NMNAT2: variants seen among roughly 807,000 people sequenced by gnomAD.
The protein encoded by NMNAT2 is nicotinamide nucleotide adenylyltransferase 2.
A neutral mutation model predicts 41.6 loss-of-function variants in NMNAT2; 11 were observed. The observed-to-expected ratio is 0.26, with a 90% confidence interval of 0.17 to 0.44. NMNAT2 has a LOEUF of 0.44. NMNAT2 is among the 20% of genes least tolerant of loss of function. NMNAT2 has a pLI of 1.00. For synonymous variants in NMNAT2, 148 were observed against 151.2 expected (o/e 0.98, Z 0.16); for missense variants, 288 against 407.7 (o/e 0.71, Z 2.53).
At chr1:183,307,028 G>C (rs990578331) in intron 1 of NMNAT2, among the ~76,000 whole-genome samples, 1 of 152,064 alleles carries the variant, frequency 6.6e-6, no homozygotes, top group Non-Finnish European at 1.5e-5. Flanking sequence ...AAAGTAGAGG[G>C]GGACAAAGAA....
At chr1:183,348,022 C>T (rs945085256) in intron 1 of NMNAT2, among the ~76,000 whole-genome samples, 5 of 152,112 alleles carry the variant, frequency 3.3e-5, no homozygotes, top group African/African-American at 1.2e-4. Context: ...CATACCACTC[C>T]CCCAACCCCT....
chr1:183,302,194 T>C (rs540751678), intron 1 of NMNAT2, among the ~76,000 whole-genome samples: 2 of 152,348 alleles, frequency 1.3e-5, no homozygotes, highest in African/African-American at 4.8e-5. Context: ...TGTTGAAGGC[T>C]CTGTCCCAGT....
Position 183,286,388 on chromosome 1 carries a change from G to A in NMNAT2, c.448+274C>T, listed in dbSNP as rs563310074. 2.0e-5 allele frequency among the ~76,000 whole-genome samples: 3 copies of A among 152,188 alleles called. No individual in the cohort carries two copies. In the East Asian group the frequency reaches 5.8e-4, roughly 29 times the overall value. ...ATTACAGGCGTGAGCCACCAGGCCC[G>A]GCCCTACGTTTATATTTAAATGCAG... On this transcript the variant is annotated intron_variant, in intron 5 of 10. Coordinates refer to ENST00000287713, the MANE Select transcript of NMNAT2 (RefSeq NM_015039.4).
At chr1:183,352,488 G>A (rs368473088) in intron 1 of NMNAT2, among the ~76,000 whole-genome samples, 5 of 149,940 alleles carry the variant, frequency 3.3e-5, no homozygotes, top group African/African-American at 7.4e-5. Context: ...GCTTGAACTC[G>A]GGCATCGGAG....
intron 1 of NMNAT2, among the ~76,000 whole-genome samples, chr1:183,394,345 A>G (rs1466637841): frequency 6.6e-6 from 1 of 152,248 alleles, no homozygotes; most frequent in Non-Finnish European, 1.5e-5. Flanking sequence ...AAGTTGTAAG[A>G]GCACAGATTT....
intron 1 of NMNAT2, among the ~76,000 whole-genome samples, chr1:183,386,267 T>C (rs1226396436): frequency 1.3e-5 from 2 of 152,150 alleles, no homozygotes; most frequent in African/African-American, 4.8e-5. Context: ...AAGCCATATA[T>C]ATCCAAATAT....
chr1:183,256,309 T>C (rs111923356), intron 10 of NMNAT2, among the ~76,000 whole-genome samples: 3,244 of 152,080 alleles, frequency 0.021, 70 homozygotes, highest in Middle Eastern at 0.031. Flanking sequence ...CTTAGGAGGC[T>C]GAGGCAGGAG....
At chr1:183,350,400 G>A (rs542045650) in intron 1 of NMNAT2, among the ~76,000 whole-genome samples, 2 of 152,122 alleles carry the variant, frequency 1.3e-5, no homozygotes, top group Non-Finnish European at 2.9e-5. Flanking sequence ...GATAAAGGGA[G>A]AAGGAAAAAG....
intron 1 of NMNAT2, among the ~76,000 whole-genome samples, chr1:183,325,195 A>G (rs188069502): frequency 3.3e-4 from 51 of 152,278 alleles, no homozygotes; most frequent in African/African-American, 1.2e-3. Context: ...CCAAGTCAAA[A>G]AGCTGAGGCC....
intron 1 of NMNAT2, chr1:183,304,666 T>C (rs756528469): frequency 1.2e-6 from 2 of 1,613,596 alleles, no homozygotes; most frequent in Non-Finnish European, 1.7e-6. Flanking sequence ...CTGTCTGAAC[T>C]CACCTGAGAG....
intron 1 of NMNAT2, among the ~76,000 whole-genome samples, chr1:183,350,021 G>T (rs1165026066): frequency 6.6e-6 from 1 of 152,196 alleles, no homozygotes; most frequent in Non-Finnish European, 1.5e-5. Context: ...GTGTAACCTT[G>T]CCCTACCAGG....
chr1:183,397,482 A>G (rs976494433), intron 1 of NMNAT2, among the ~76,000 whole-genome samples: 25 of 152,178 alleles, frequency 1.6e-4, no homozygotes, highest in Non-Finnish European at 3.4e-4. Flanking sequence ...AAGTTGGAAA[A>G]CACTCTGCAG....
chr1:183,310,239 TC>T (rs1453618694), intron 1 of NMNAT2, among the ~76,000 whole-genome samples: 1 of 152,188 alleles, frequency 6.6e-6, no homozygotes, highest in African/African-American at 2.4e-5. Context: ...GGCCTGGTGA[TC>T]TGAATCTTAG....
chr1:183,267,794 G>C (rs1660857287), intron 8 of NMNAT2, among the ~76,000 whole-genome samples: 1 of 152,082 alleles, frequency 6.6e-6, no homozygotes, highest in Non-Finnish European at 1.5e-5. Flanking sequence ...GGGGTGGAGA[G>C]GTGGGGTGGG....
intron 5 of NMNAT2, 37 bp from the exon 6 acceptor site, chr1:183,284,827 G>T: frequency 6.4e-7 from 1 of 1,560,546 alleles, no homozygotes; most frequent in Non-Finnish European, 8.8e-7. Flanking sequence ...GACAGAGTGG[G>T]AGAGAACAAC....
At chr1:183,384,851 G>A (rs1648149086) in intron 1 of NMNAT2, among the ~76,000 whole-genome samples, 1 of 152,128 alleles carries the variant, frequency 6.6e-6, no homozygotes, top group African/African-American at 2.4e-5. Context: ...ACTGAGTAGA[G>A]TGCTGGGCAG....
At chr1:183,329,628 G>A (rs1419063901) in intron 1 of NMNAT2, among the ~76,000 whole-genome samples, 1 of 152,192 alleles carries the variant, frequency 6.6e-6, no homozygotes, top group Non-Finnish European at 1.5e-5. Flanking sequence ...GCCACACTGA[G>A]CTGTCCTCCT....
chr1:183,271,195 C>G (rs1257818185), intron 8 of NMNAT2, among the ~76,000 whole-genome samples: 6 of 152,184 alleles, frequency 3.9e-5, no homozygotes, highest in Non-Finnish European at 8.8e-5. Context: ...AATGCAAATA[C>G]TCTTGAGAGC....
chr1:183,385,115 T>A (rs904197258), intron 1 of NMNAT2, among the ~76,000 whole-genome samples: 8 of 151,958 alleles, frequency 5.3e-5, no homozygotes, highest in South Asian at 4.2e-4. Flanking sequence ...GGCAGGATGA[T>A]CACTTGAGCC....
Sources: allele counts gnomAD v4.1 joint callset (sites outside exome capture counted in the v4.1 genomes callset), GRCh38; gene constraint gnomAD v4.1.1; transcripts MANE v1.5; gene names NCBI Gene and HGNC (gene_info 2026-07-23, HGNC 2026-07-21).